The following SNTG1 variants were observed in gnomAD, a reference collection of about 807,000 sequenced individuals.
The protein encoded by SNTG1 is gamma-1-syntrophin.
A neutral mutation model predicts 74.7 loss-of-function variants in SNTG1; 39 were observed. The ratio of observed to expected loss-of-function variants is 0.52; its 90% CI spans 0.40 to 0.68. The LOEUF (loss-of-function observed/expected upper bound fraction) is 0.68. Ranked by LOEUF, SNTG1 falls within the 30% of genes least tolerant of loss-of-function variation. The pLI is 0.00. For missense variants in SNTG1, 685 were observed against 609.5 expected, an observed-to-expected ratio of 1.12 and a Z score of -1.30; for synonymous variants, 254 against 217.1, an observed-to-expected ratio of 1.17 and a Z score of -1.49.
intron 2 of SNTG1, among the ~76,000 whole-genome samples, chr8:50,318,654 T>C (rs771698943): frequency 2.6e-5 from 4 of 152,296 alleles, no homozygotes; most frequent in African/African-American, 9.6e-5. Flanking sequence ...CTTAAGTAGA[T>C]TTGAGAAACT....
intron 9 of SNTG1, among the ~76,000 whole-genome samples, chr8:50,528,980 A>C (rs80039144): frequency 0.051 from 7,622 of 150,438 alleles, 259 homozygotes; most frequent in Middle Eastern, 0.098. Context: ...TCCATTCTTA[A>C]GTTCTTAAGA....
At chr8:50,581,371 C>T (rs1474677689) in intron 12 of SNTG1, among the ~76,000 whole-genome samples, 2 of 152,290 alleles carry the variant, frequency 1.3e-5, no homozygotes, top group South Asian at 2.1e-4. Context: ...CATAAGACTA[C>T]ATCTCTCTTT....
intron 2 of SNTG1, among the ~76,000 whole-genome samples, chr8:50,292,774 G>T (rs1419725168): frequency 6.6e-6 from 1 of 152,142 alleles, no homozygotes; most frequent in East Asian, 1.9e-4. Flanking sequence ...CAACAGAACT[G>T]GGATGTATAT....
At chr8:49,938,643 C>CTTTCTTT (rs1563371305) in intron 1 of SNTG1, among the ~76,000 whole-genome samples, 3 of 106,260 alleles carry the variant, frequency 2.8e-5, no homozygotes, top group East Asian at 2.7e-4. Context: ...TTCTTTCTTT[C>CTTTCTTT]CTTCCTCTCT....
intron 2 of SNTG1, among the ~76,000 whole-genome samples, chr8:50,310,613 G>A (rs567184752): frequency 3.2e-4 from 48 of 152,210 alleles, no homozygotes; most frequent in Non-Finnish European, 6.2e-4. Flanking sequence ...GCTTGAACCT[G>A]GGAGGCAGAG....
intron 1 of SNTG1, among the ~76,000 whole-genome samples, chr8:50,023,279 C>T (rs1025287474): frequency 6.6e-6 from 1 of 152,080 alleles, no homozygotes; most frequent in Non-Finnish European, 1.5e-5. Flanking sequence ...ATTCCATTAC[C>T]TCATCATTTT....
At chr8:50,671,422 A>G (rs1408086318) in intron 15 of SNTG1, among the ~76,000 whole-genome samples, 2 of 151,034 alleles carry the variant, frequency 1.3e-5, no homozygotes, top group Non-Finnish European at 2.9e-5. Flanking sequence ...ATATTTATGC[A>G]GCCAAAAGAC....
At chr8:50,209,619 T>A (rs1354186700) in intron 2 of SNTG1, among the ~76,000 whole-genome samples, 4 of 152,092 alleles carry the variant, frequency 2.6e-5, no homozygotes, top group Non-Finnish European at 5.9e-5. Context: ...GAGTCTGGAG[T>A]GGACCTCCAG....
chr8:50,153,050 C>T (rs966603302), intron 1 of SNTG1, among the ~76,000 whole-genome samples: 6 of 152,294 alleles, frequency 3.9e-5, no homozygotes, highest in African/African-American at 7.2e-5. Context: ...ACCAATCAGA[C>T]GTAGATTTGG....
At chr8:49,981,800 A>G (rs1812704793) in intron 1 of SNTG1, among the ~76,000 whole-genome samples, 1 of 152,216 alleles carries the variant, frequency 6.6e-6, no homozygotes, top group African/African-American at 2.4e-5. Context: ...AAAAAATTAA[A>G]AATATTACAA....
intron 1 of SNTG1, among the ~76,000 whole-genome samples, chr8:50,139,876 G>A (rs1365015963): frequency 6.6e-6 from 1 of 152,234 alleles, no homozygotes; most frequent in Non-Finnish European, 1.5e-5. Context: ...GATTCACAGT[G>A]ACTCTTAGTG....
At chr8:50,480,358 G>A (rs1207483889) in intron 8 of SNTG1, among the ~76,000 whole-genome samples, 2 of 152,056 alleles carry the variant, frequency 1.3e-5, no homozygotes, top group Middle Eastern at 3.4e-3. Flanking sequence ...GGAATGAATG[G>A]GGCATTGTCA....
intron 2 of SNTG1, among the ~76,000 whole-genome samples, chr8:50,389,970 G>A (rs958293114): frequency 3.3e-4 from 50 of 152,044 alleles, no homozygotes; most frequent in Non-Finnish European, 5.9e-5. Flanking sequence ...TTCTTTGTAG[G>A]TTCTGGATAT....
Position 50,206,866 on chromosome 8 carries a change from G to A in SNTG1, c.-28+34231G>A, listed in dbSNP as rs148021874. Among the ~76,000 whole-genome samples the A allele has an allele frequency of 8.2e-3, 1,243 of 152,196 alleles. 20 individuals carry two copies. The highest frequency in any genetic ancestry group is 0.029 in the African/African-American group (1,188 of 41,536). On this transcript the variant is annotated intron_variant, in intron 2 of 18. Coordinates refer to ENST00000642720, the MANE Select transcript of SNTG1 (RefSeq NM_018967.5). ...TGGTTCTGTTTATATGATGGATTAC[G>A]TTTATTGATTTTCATATGTTGAACC...
chr8:50,268,320 A>T (rs918929923), intron 2 of SNTG1, among the ~76,000 whole-genome samples: 1 of 152,224 alleles, frequency 6.6e-6, no homozygotes, highest in Non-Finnish European at 1.5e-5. Flanking sequence ...AAGATTCAGC[A>T]CAGTAAAGGT....
At chr8:50,257,058 ACCCACCAGCATGAAGCACC>A (rs2086917988) in intron 2 of SNTG1, among the ~76,000 whole-genome samples, 1 of 151,760 alleles carries the variant, frequency 6.6e-6, no homozygotes, top group South Asian at 2.1e-4. Flanking sequence ...GAAGAGGCAC[ACCCACCAGCATGAAGCACC>A]CCCACCAGCA....
At chr8:50,079,696 G>A (rs972339598) in intron 1 of SNTG1, among the ~76,000 whole-genome samples, 6 of 152,090 alleles carry the variant, frequency 3.9e-5, no homozygotes, top group Admixed American at 1.3e-4. Context: ...TATGGTTTTA[G>A]GTTTTGCATT....
chr8:50,323,542 T>G (rs2090613953), intron 2 of SNTG1, among the ~76,000 whole-genome samples: 2 of 152,330 alleles, frequency 1.3e-5, no homozygotes, highest in South Asian at 4.1e-4. Context: ...TACAGACTCA[T>G]AGAGGTACTA....
chr8:50,421,639 C>T (rs953885816), intron 4 of SNTG1, among the ~76,000 whole-genome samples: 1 of 152,102 alleles, frequency 6.6e-6, no homozygotes, highest in Non-Finnish European at 1.5e-5. Flanking sequence ...TTTTACCCAA[C>T]CCTTTTTCAA....
Sources: allele counts gnomAD v4.1 joint callset (sites outside exome capture counted in the v4.1 genomes callset), GRCh38; gene constraint gnomAD v4.1.1; transcripts MANE v1.5; gene names NCBI Gene and HGNC (gene_info 2026-07-23, HGNC 2026-07-21).